Variants in THAP9 observed in about 807,000 individuals in gnomAD.
THAP9 encodes the protein DNA transposase THAP9.
Under a neutral mutation model 35.7 loss-of-function variants are expected in THAP9, and 20 were observed. The ratio of observed to expected loss-of-function variants is 0.56; its 90% confidence interval spans 0.39 to 0.81. The LOEUF is 0.81. Ranked by LOEUF, THAP9 falls within the 40% of genes least tolerant of loss-of-function variation. THAP9 has a pLI of 0.00. For missense variants in THAP9, 870 were observed against 1,047.4 expected, an observed-to-expected ratio of 0.83 and a Z score of 2.34; for synonymous variants, 335 against 373.7, an observed-to-expected ratio of 0.90 and a Z score of 1.19.
rs747122124 is a variant in THAP9 at position 82,907,790 on chromosome 4, A to T, written c.586A>T (p.Lys196Ter). The change falls in exon 4 of 5, where the codon AAG (lysine) becomes TAG (stop). Residue 196 changes from lysine to a stop codon, truncating the protein, a stop_gained. Coordinates refer to ENST00000302236, the MANE Select transcript of THAP9 (RefSeq NM_024672.6). LOFTEE classifies it high-confidence loss of function. ...CLLRAQFSDF[K>*]WELYNWRETD... ...AAAAAAATTTATTTTAACAGATTTT[A>T]AGTGGGAGTTATATAATTGGAGAGA... 6.3e-7 allele frequency: 1 copy of T among 1,578,138 alleles called. No individual in the cohort carries two copies. The highest frequency in any genetic ancestry group is 1.4e-5 in the African/African-American group (1 of 72,802).
In THAP9 at chr4:82,918,749, T is replaced by C. The variant is rs745474349; in HGVS notation, c.2537T>C (p.Ile846Thr). The change falls in exon 5 of 5, where the codon ATC becomes ACC. Residue 846 changes from isoleucine (I) to threonine (T), a missense_variant. Physicochemically the swap from Ile to Thr is moderately conservative, Grantham distance 89 (BLOSUM62 -1). Around this residue, in one of 3 missense-constraint regions of THAP9, gnomAD observed 414 missense variants for 500.8 expected, o/e 0.83. Coordinates refer to ENST00000302236, the MANE Select transcript of THAP9 (RefSeq NM_024672.6). ...GATATAATAATCTGTTTCTTAAATA[T>C]CAGAGCTAAAAATGTTGCACAGAAT... Reference protein sequence around the residue: ...LKDIIICFLNIRAKNVAQNPL... With the variant: ...LKDIIICFLNTRAKNVAQNPL... 6 of 1,613,904 alleles carry C rather than the reference T, an allele frequency of 3.7e-6. No individual in the cohort carries two copies. Among genetic ancestry groups the C allele is most frequent in the East Asian group, 2.2e-5 (1 of 44,848 alleles).
chr4:82,906,204 T>C, intron 2 of THAP9, 120 bp from the exon 3 acceptor site: 1 of 828,902 alleles, frequency 1.2e-6, no homozygotes. Context: ...TTATGACCTT[T>C]TCTTTCCTAA....
intron 1 of THAP9, among the ~76,000 whole-genome samples, chr4:82,901,380 A>G (rs528486468): frequency 6.6e-6 from 1 of 152,260 alleles, no homozygotes; most frequent in Non-Finnish European, 1.5e-5. Flanking sequence ...GACAGTGGGG[A>G]AGAATTTCAG....
intron 4 of THAP9, among the ~76,000 whole-genome samples, chr4:82,909,799 G>A (rs1005980351): frequency 1.3e-5 from 2 of 152,062 alleles, no homozygotes; most frequent in East Asian, 1.9e-4. Flanking sequence ...TATAGGTACT[G>A]TGTTGATAAT....
chr4:82,907,408 C>T (rs1277999379), intron 3 of THAP9, among the ~76,000 whole-genome samples: 1 of 151,910 alleles, frequency 6.6e-6, no homozygotes, highest in East Asian at 1.9e-4. Flanking sequence ...GAATAGTACC[C>T]TATCCCCAGA....
intron 4 of THAP9, among the ~76,000 whole-genome samples, chr4:82,915,517 A>G (rs2126016507): frequency 6.6e-6 from 1 of 152,274 alleles, no homozygotes; most frequent in South Asian, 2.1e-4. Flanking sequence ...TCAGCCTCCC[A>G]AAGTGCTGGG....
In THAP9 at chr4:82,900,785, G is replaced by C. The variant is rs1195963797; in HGVS notation, c.-18G>C. On this transcript the variant is annotated 5_prime_UTR_variant, in exon 1 of 5. Coordinates refer to ENST00000302236, the MANE Select transcript of THAP9 (RefSeq NM_024672.6). ...CTGTCGCGGGAACCCCGAAGGTGGG[G>C]CCCCACGTAACAAGAAGATGACCCG... 3 of 1,613,480 alleles carry C rather than the reference G, an allele frequency of 1.9e-6. No homozygotes were observed. The highest frequency in any genetic ancestry group is 2.5e-6 in the Non-Finnish European group (3 of 1,179,988).
chr4:82,901,278 A>T (rs1375944080), intron 1 of THAP9: 2 of 429,126 alleles, frequency 4.7e-6, no homozygotes, highest in East Asian at 6.5e-5. Context: ...ACTGCCTGAC[A>T]TTGCAAGTTC....
chr4:82,905,719 T>G (rs1394941752), intron 2 of THAP9: 1 of 373,180 alleles, frequency 2.7e-6, no homozygotes, highest in East Asian at 7.3e-5. Context: ...TAAATTTGCT[T>G]GCTTTCATAC....
At chr4:82,909,673 T>C (rs1720793172) in intron 4 of THAP9, among the ~76,000 whole-genome samples, 2 of 152,302 alleles carry the variant, frequency 1.3e-5, no homozygotes, top group South Asian at 4.1e-4. Flanking sequence ...TGTTTTTTCA[T>C]ATATTTTGAT....
chr4:82,902,107 T>TC (rs963066733), intron 1 of THAP9, among the ~76,000 whole-genome samples: 3 of 140,022 alleles, frequency 2.1e-5, no homozygotes, highest in African/African-American at 2.7e-5. Flanking sequence ...TTTTCCTTCT[T>TC]TTTTTTTTTT....
intron 2 of THAP9, 59 bp from the exon 3 acceptor site, chr4:82,906,265 C>A: frequency 7.2e-7 from 1 of 1,381,654 alleles, no homozygotes; most frequent in Non-Finnish European, 9.8e-7. Flanking sequence ...GGTATTTTTA[C>A]AGATACTCTT....
chr4:82,907,393 A>G (rs1231809113), intron 3 of THAP9, among the ~76,000 whole-genome samples: 2 of 152,000 alleles, frequency 1.3e-5, no homozygotes, highest in African/African-American at 2.4e-5. Flanking sequence ...TGGTCTGTTC[A>G]GTCTGAATAG....
In THAP9 at chr4:82,900,881, CAGTGCGTATGGGA is replaced by C. The variant is rs1720305390; in HGVS notation, c.80_80+12del. 3.1e-6 allele frequency: 5 copies of C among 1,613,342 alleles called. No homozygotes were observed. The highest frequency in any genetic ancestry group is 4.2e-6 in the Non-Finnish European group (5 of 1,179,986). ...CCGGGAGCGCGGCCTCTCCTTCCAC[CAGTGCGTATGGGA>C]GCAGCCTCGAAGCCTTCGAACTCCC... On this transcript the variant is annotated splice_donor_variant and splice_donor_5th_base_variant and coding_sequence_variant and intron_variant, in exon 1 of 5. Coordinates refer to ENST00000302236, the MANE Select transcript of THAP9 (RefSeq NM_024672.6). LOFTEE classifies it high-confidence loss of function.
intron 4 of THAP9, among the ~76,000 whole-genome samples, chr4:82,908,555 T>A (rs891399107): frequency 1.3e-5 from 2 of 152,246 alleles, no homozygotes; most frequent in African/African-American, 4.8e-5. Context: ...TACTGAATTC[T>A]TAATTTTTAC....
Position 82,919,117 on chromosome 4 carries a change from T to C in THAP9, c.*193T>C, listed in dbSNP as rs1038797269. On this transcript the variant is annotated 3_prime_UTR_variant, in exon 5 of 5. Transcript: ENST00000302236. ...GGTATGGCTTGCAGCATTTATGAGTTTTCCAAAATATAGAAAGCAGTAGGT... is the reference window on the plus strand; with the variant it reads ...GGTATGGCTTGCAGCATTTATGAGTCTTCCAAAATATAGAAAGCAGTAGGT... 45 of 481,656 alleles carry C rather than the reference T, an allele frequency of 9.3e-5. No homozygotes were observed. Among genetic ancestry groups the C allele is most frequent in the Middle Eastern group, 5.7e-4 (1 of 1,748 alleles). 29.8% of individuals were successfully genotyped at this position (481,656 alleles called of 1,614,324 possible). A position where few individuals can be genotyped will look rare whatever the true frequency, so the allele number is the denominator to read the frequency against.
At chr4:82,910,417 G>A (rs918588222) in intron 4 of THAP9, 2 of 144,774 alleles carry the variant, frequency 1.4e-5, no homozygotes, top group Non-Finnish European at 2.9e-5. Flanking sequence ...TAGCAGTTTT[G>A]TGTATATCCT....
intron 4 of THAP9, chr4:82,910,168 T>G (rs1266505654): frequency 6.6e-6 from 1 of 152,160 alleles, no homozygotes; most frequent in Non-Finnish European, 1.5e-5. Flanking sequence ...CTTTTCTCTC[T>G]TCATGTCATT....
chr4:82,917,973 CT>C lies in THAP9; in HGVS notation c.1762del (p.Tyr588ThrfsTer16). On this transcript the variant is annotated frameshift_variant, in exon 5 of 5. Transcript: ENST00000302236. LOFTEE classifies it high-confidence loss of function. ...LLNAESLKWL[Y>X]QNYVFPKVMP... ...TCAATGCTGAGAGCTTAAAATGGCTCTACCAAAATTATGTTTTCCCAAAGGT... is the reference window on the plus strand; with the variant it reads ...TCAATGCTGAGAGCTTAAAATGGCTCACCAAAATTATGTTTTCCCAAAGGT... 6.2e-7 allele frequency: 1 copy of C among 1,614,008 alleles called. No individual in the cohort carries two copies. The highest frequency in any genetic ancestry group is 8.5e-7 in the Non-Finnish European group (1 of 1,179,978).
Sources: gnomAD v4.1 joint callset for allele counts (sites outside exome capture counted in the v4.1 genomes callset) on GRCh38, gnomAD v4.1.1 for gene constraint, gnomAD v4.1.1 regional missense constraint, MANE v1.5 for transcripts, NCBI Gene and HGNC (gene_info 2026-07-23, HGNC 2026-07-21) for gene names.